UNC13A: variants seen among roughly 807,000 people sequenced by gnomAD.
UNC13A encodes the protein unc-13 homolog A, also known as protein unc-13 homolog A.
Under a neutral mutation model 219.7 loss-of-function variants are expected in UNC13A, and 61 were observed. That is an observed-to-expected ratio of 0.28 (90% confidence interval 0.23 to 0.34). The LOEUF is 0.34. Ranked by LOEUF, UNC13A falls within the 10% of genes least tolerant of loss-of-function variation. The probability of loss-of-function intolerance (pLI) is 1.00; values close to 1 mark genes in which losing one functional copy is unlikely to be tolerated. For synonymous variants in UNC13A, 920 were observed against 884.6 expected (o/e 1.04, Z -0.71); for missense variants, 1,476 against 2,270.3 (o/e 0.65, Z 7.11).
intron 6 of UNC13A, among the ~76,000 whole-genome samples, chr19:17,667,623 G>A (rs1206977976): frequency 6.6e-6 from 1 of 151,792 alleles, no homozygotes; most frequent in Non-Finnish European, 1.5e-5. Flanking sequence ...ACAGGCGCCC[G>A]CCACCATGCC....
intron 28 of UNC13A, among the ~76,000 whole-genome samples, chr19:17,631,284 G>A (rs1037365565): frequency 4.6e-4 from 67 of 144,726 alleles, no homozygotes; most frequent in African/African-American, 1.5e-3. Flanking sequence ...GCAGTGGTGC[G>A]ATCACAGCTC....
intron 28 of UNC13A, among the ~76,000 whole-genome samples, chr19:17,631,261 C>G (rs2145005687): frequency 7.4e-6 from 1 of 134,940 alleles, no homozygotes; most frequent in Admixed American, 7.9e-5. Flanking sequence ...TGTTCTGTTG[C>G]CCAGGCTAAA....
chr19:17,658,003 C>T (rs1568263419), intron 9 of UNC13A, 59 bp downstream of exon 9: 2 of 1,559,992 alleles, frequency 1.3e-6, no homozygotes, highest in Non-Finnish European at 1.7e-6. Flanking sequence ...CCGTACCCCT[C>T]TCTCCACTCC....
At chr19:17,642,032 ACATC>A (rs56041637) in intron 20 of UNC13A, among the ~76,000 whole-genome samples, 3 of 150,394 alleles carry the variant, frequency 2.0e-5, no homozygotes, top group Non-Finnish European at 4.4e-5. Context: ...ATCTGCCTAT[ACATC>A]CATCCATCCA....
chr19:17,640,750 TGA>T, intron 21 of UNC13A, 89 bp from the exon 22 acceptor site: 1 of 1,389,624 alleles, frequency 7.2e-7, no homozygotes, highest in East Asian at 2.6e-5. Flanking sequence ...ATAGCATCTG[TGA>T]GTGGGTCTCT....
Position 17,649,742 on chromosome 19 carries a change from G to A in UNC13A, c.1440-155C>T, listed in dbSNP as rs1316221343. ...TGCCCTAACCCCCACTACCTCAGAA[G>A]GTGACCTTACTTGGAAACGGGGTTG... On this transcript the variant is annotated intron_variant, in intron 12 of 43. Coordinates refer to ENST00000519716, the MANE Select transcript of UNC13A (RefSeq NM_001080421.3). This position sits in a 1 kb window ranked among gnomAD's most constrained non-coding sequence, Gnocchi z 4.4. Among the ~76,000 whole-genome samples, 5 of 152,068 alleles carry A rather than the reference G, an allele frequency of 3.3e-5. No homozygotes were observed. Among genetic ancestry groups the A allele is most frequent in the East Asian group, 3.9e-4 (2 of 5,184 alleles).
intron 1 of UNC13A, among the ~76,000 whole-genome samples, chr19:17,678,996 T>C (rs1352873822): frequency 6.6e-6 from 1 of 151,974 alleles, no homozygotes; most frequent in Non-Finnish European, 1.5e-5. Flanking sequence ...TAGAGGCACA[T>C]GCCTGTAATC....
At chr19:17,628,246 C>G (rs1339331634) in intron 31 of UNC13A, 2 of 426,474 alleles carry the variant, frequency 4.7e-6, no homozygotes, top group Non-Finnish European at 8.6e-6. Flanking sequence ...TGCAAGAGCC[C>G]AAAGCTTTGC....
At chr19:17,663,224 C>T (rs751412331) in intron 8 of UNC13A, among the ~76,000 whole-genome samples, 7 of 151,804 alleles carry the variant, frequency 4.6e-5, no homozygotes, top group Non-Finnish European at 8.8e-5. Context: ...GAGTGGGGTG[C>T]GGGGGTCACA....
chr19:17,656,725 G>A lies in UNC13A; in HGVS notation c.768-327C>T, dbSNP rs146510100. Among the ~76,000 whole-genome samples the A allele has an allele frequency of 3.6e-3, 553 of 152,170 alleles. 2 individuals are homozygous for A. Among genetic ancestry groups the A allele is most frequent in the African/African-American group, 0.013 (524 of 41,528 alleles). On this transcript the variant is annotated intron_variant, in intron 9 of 43. Coordinates refer to ENST00000519716, the MANE Select transcript of UNC13A (RefSeq NM_001080421.3). The stretch of plus-strand genomic sequence containing the variant: ...AAATTAGCTGCGCATGGTGGCGTAT[G>A]CCTGTAATCCCAGCTACTCGGGAGG...
chr19:17,633,016 G>T, intron 27 of UNC13A, 92 bp downstream of exon 27: 2 of 1,604,464 alleles, frequency 1.2e-6, no homozygotes, highest in Non-Finnish European at 1.7e-6. Flanking sequence ...CAGGCATGAG[G>T]GTATTATAGG....
chr19:17,608,796 G>A (rs1393406688), intron 43 of UNC13A, among the ~76,000 whole-genome samples: 1 of 151,936 alleles, frequency 6.6e-6, no homozygotes, highest in Non-Finnish European at 1.5e-5. Flanking sequence ...GATTACAGGT[G>A]TGAGCCACCA....
intron 8 of UNC13A, among the ~76,000 whole-genome samples, chr19:17,663,293 C>T (rs73922177): frequency 6.0e-5 from 9 of 149,288 alleles, no homozygotes; most frequent in Non-Finnish European, 8.9e-5. Flanking sequence ...CAGGCTAACC[C>T]CCCCCACCCC....
At chr19:17,647,014 C>G (rs1403859884) in intron 17 of UNC13A, among the ~76,000 whole-genome samples, 1 of 152,234 alleles carries the variant, frequency 6.6e-6, no homozygotes, top group Non-Finnish European at 1.5e-5. Flanking sequence ...AACCATGCAC[C>G]CTCAATTCCT....
chr19:17,674,339 A>G lies in UNC13A; in HGVS notation c.152+318T>C, dbSNP rs2043461655. On this transcript the variant is annotated intron_variant, in intron 3 of 43. Transcript: ENST00000519716. The surrounding 1 kb of genome is among the most constrained non-coding windows in gnomAD (Gnocchi z 5.0). The stretch of plus-strand genomic sequence containing the variant: ...GCCACGGACAAGTTTGGAACATGGG[A>G]GCGACAGGATGTGATTTGCAGTTTT... 6.6e-6 allele frequency among the ~76,000 whole-genome samples: 1 copy of G among 152,174 alleles called. No individual in the cohort carries two copies. Among genetic ancestry groups the G allele is most frequent in the Non-Finnish European group, 1.5e-5 (1 of 68,032 alleles).
At chr19:17,648,710 C>T in intron 15 of UNC13A, 60 bp from the exon 16 acceptor site, 1 of 1,562,390 alleles carries the variant, frequency 6.4e-7, no homozygotes, top group Non-Finnish European at 8.7e-7. Context: ...CCCTGTCCTG[C>T]CCCATTCCGC....
chr19:17,637,506 G>C (rs1225435921), intron 25 of UNC13A, among the ~76,000 whole-genome samples: 1 of 151,656 alleles, frequency 6.6e-6, no homozygotes, highest in Non-Finnish European at 1.5e-5. Flanking sequence ...CACTGTGTTA[G>C]CCAGGATGGT....
rs906943643 is a variant in UNC13A, at chr19:17,602,804, G to A, written c.*3250C>T. On this transcript the variant is annotated 3_prime_UTR_variant, in exon 44 of 44. Coordinates refer to ENST00000519716, the MANE Select transcript of UNC13A (RefSeq NM_001080421.3). ...GACAGACATGGACAGACATGCATGC[G>A]GATGTGTATTCTCACACTGACCCTG... 5.3e-5 allele frequency: 8 copies of A among 152,256 alleles called. No homozygotes were observed. Among genetic ancestry groups the A allele is most frequent in the Non-Finnish European group, 8.8e-5 (6 of 68,110 alleles). The allele number at this position is 152,256 out of a possible 1,614,324, so 9.4% of individuals were successfully genotyped here.
chr19:17,612,834 G>T (rs2076618802), intron 41 of UNC13A, among the ~76,000 whole-genome samples: 1 of 152,076 alleles, frequency 6.6e-6, no homozygotes, highest in Non-Finnish European at 1.5e-5. Flanking sequence ...GACAGAGCAA[G>T]ACCCTGTCTC....
Sources: gnomAD v4.1 joint callset for allele counts (sites outside exome capture counted in the v4.1 genomes callset) on GRCh38, gnomAD v4.1.1 for gene constraint, Gnocchi (gnomAD v3.1) non-coding constraint, MANE v1.5 for transcripts, NCBI Gene and HGNC (gene_info 2026-07-23, HGNC 2026-07-21) for gene names.